FZD6: variants seen among roughly 807,000 people sequenced by gnomAD.
FZD6 encodes frizzled-6.
Under a neutral mutation model 61.4 loss-of-function variants are expected in FZD6, and 49 were observed. That is an observed-to-expected ratio of 0.80 (90% CI 0.63 to 1.01). FZD6 has a LOEUF of 1.01. Among genes scored for constraint, FZD6 ranks in the 50% least tolerant of loss-of-function variants. The pLI, the probability that FZD6 is intolerant of heterozygous loss-of-function variation, is 0.00. For missense variants in FZD6, 724 were observed against 848.2 expected, an observed-to-expected ratio of 0.85 and a Z score of 1.82; for synonymous variants, 265 against 292.2, an observed-to-expected ratio of 0.91 and a Z score of 0.95.
chr8:103,320,528 C>T (rs753769756), intron 3 of FZD6, among the ~76,000 whole-genome samples: 1 of 150,680 alleles, frequency 6.6e-6, no homozygotes, highest in African/African-American at 2.4e-5. Context: ...AGATGGGGAG[C>T]GAAATGAAGA....
chr8:103,312,449 T>C lies in FZD6; in HGVS notation c.178-6141T>C, dbSNP rs77663803. ...AGACTGATGCGACCAGGTTTGATAT[T>C]TGCTCAATTCATAGATTTGCACTTT... On this transcript the variant is annotated intron_variant, in intron 2 of 6. Coordinates refer to ENST00000358755, the MANE Select transcript of FZD6 (RefSeq NM_003506.4). 2.2e-3 allele frequency among the ~76,000 whole-genome samples: 339 copies of C among 152,336 alleles called. 7 individuals carry two copies. In the East Asian group the frequency reaches 0.057, roughly 26 times the overall value.
At position 103,300,063 on chromosome 8, in the gene FZD6, A is replaced by C. The variant is rs1274072309; in HGVS notation, c.-45A>C. 2.7e-6 allele frequency: 3 copies of C among 1,103,702 alleles called. No individual in the cohort carries two copies. In the African/African-American group the frequency reaches 4.6e-5, roughly 17 times the overall value. 68.4% of individuals were successfully genotyped at this position (1,103,702 alleles called of 1,614,324 possible). On this transcript the variant is annotated 5_prime_UTR_variant, in exon 2 of 7. Transcript: ENST00000358755. ...ATGGGGATCTTCTGAGGATGCAAAG[A>C]GTGATTCATCCAAGCCATGTGGTAA...
Position 103,325,454 on chromosome 8 carries a change from G to T in FZD6, c.1348G>T (p.Val450Phe), listed in dbSNP as rs527378976. ...VNRITWEITW[V>F]SDHCRQYHIP... Reference sequence around the variant, plus strand: ...CAGGATTACCTGGGAGATAACTTGGGTCTCTGATCATTGTCGTCAGTACCA... The same window carrying T: ...CAGGATTACCTGGGAGATAACTTGGTTCTCTGATCATTGTCGTCAGTACCA... The change falls in exon 4 of 7, where the codon GTC becomes TTC. Residue 450 changes from valine to phenylalanine, a missense_variant. By Grantham distance (50) the Val-to-Phe change is conservative. Transcript: ENST00000358755. 6.2e-7 allele frequency: 1 copy of T among 1,613,658 alleles called. No homozygotes were observed. Among genetic ancestry groups the T allele is most frequent in the East Asian group, 2.2e-5 (1 of 44,882 alleles).
chr8:103,328,382 T>C lies in FZD6; in HGVS notation c.1507T>C (p.Trp503Arg). The C allele has an allele frequency of 1.2e-6, 2 of 1,613,074 alleles. No individual in the cohort carries two copies. The highest frequency in any genetic ancestry group is 1.7e-6 in the Non-Finnish European group (2 of 1,179,146). ...TGGAAGCAAAAAGACATGCACAGAA[T>C]GGGCTGGGTTTTTTAAACGAAATCG... ...WVGSKKTCTE[W>R]AGFFKRNRKR... The change falls in exon 5 of 7, where the codon TGG becomes CGG. Residue 503 changes from tryptophan (W) to arginine (R), a missense_variant. Trp to Arg is a moderately radical substitution (Grantham distance 101, BLOSUM62 -3). Coordinates refer to ENST00000358755, the MANE Select transcript of FZD6 (RefSeq NM_003506.4).
At chr8:103,330,872 A>T (rs1019172234) in intron 6 of FZD6, among the ~76,000 whole-genome samples, 1 of 152,188 alleles carries the variant, frequency 6.6e-6, no homozygotes, top group East Asian at 1.9e-4. Context: ...AAGTAAGTGA[A>T]AATTATATTT....
intron 2 of FZD6, among the ~76,000 whole-genome samples, chr8:103,301,166 G>A (rs1472459787): frequency 1.3e-5 from 2 of 152,132 alleles, no homozygotes; most frequent in African/African-American, 4.8e-5. Context: ...TGATTTTGCA[G>A]CTTTGAAAGT....
chr8:103,327,294 A>G (rs1350751339), intron 4 of FZD6, among the ~76,000 whole-genome samples: 4 of 152,240 alleles, frequency 2.6e-5, no homozygotes, highest in Admixed American at 1.3e-4. Flanking sequence ...AACAGCCTTT[A>G]CAAAGAATAA....
rs748578409 is a variant in FZD6 at position 103,329,771 on chromosome 8, T to C, written c.1658T>C (p.Val553Ala). Reference sequence around the variant, plus strand: ...AAACCAAGTTCACACAAGCTGAAGGTCATTTCCAAATCCATGGGAACCAGC... The same window carrying C: ...AAACCAAGTTCACACAAGCTGAAGGCCATTTCCAAATCCATGGGAACCAGC... Reference protein sequence around the residue: ...HYKPSSHKLKVISKSMGTSTG... With the variant: ...HYKPSSHKLKAISKSMGTSTG... The change falls in exon 6 of 7, where the codon GTC (valine) becomes GCC (alanine). Residue 553 changes from valine to alanine, a missense_variant. By Grantham distance (64) the Val-to-Ala change is moderately conservative (BLOSUM62 0). Transcript: ENST00000358755. 1 of 1,614,048 alleles carries C rather than the reference T, an allele frequency of 6.2e-7. No homozygotes were observed. Among genetic ancestry groups the C allele is most frequent in the Non-Finnish European group, 8.5e-7 (1 of 1,179,922 alleles).
At chr8:103,318,172 GA>G (rs1814684994) in intron 2 of FZD6, among the ~76,000 whole-genome samples, 2 of 152,192 alleles carry the variant, frequency 1.3e-5, no homozygotes, top group Non-Finnish European at 2.9e-5. Flanking sequence ...TTGGGAAATG[GA>G]AGAGGACTAG....
Position 103,300,098 on chromosome 8 carries a change from T to A in FZD6, c.-10T>A. 1 of 1,542,268 alleles carries A rather than the reference T, an allele frequency of 6.5e-7. No homozygotes were observed. The highest frequency in any genetic ancestry group is 1.1e-5 in the South Asian group (1 of 89,624). Reference sequence around the variant, plus strand: ...CCAAGCCATGTGGTAAAATCAGGAATTTGAAGAAAATGGAAATGTTTACAT... The same window carrying A: ...CCAAGCCATGTGGTAAAATCAGGAAATTGAAGAAAATGGAAATGTTTACAT... On this transcript the variant is annotated 5_prime_UTR_variant, in exon 2 of 7. Coordinates refer to ENST00000358755, the MANE Select transcript of FZD6 (RefSeq NM_003506.4).
intron 1 of FZD6, among the ~76,000 whole-genome samples, chr8:103,299,487 C>T (rs1814086725): frequency 6.6e-6 from 1 of 152,148 alleles, no homozygotes; most frequent in South Asian, 2.1e-4. Context: ...TTACGAAAAT[C>T]GAGAAAACTA....
At position 103,331,525 on chromosome 8, in the gene FZD6, G is replaced by A. The variant is rs202151037; in HGVS notation, c.*16G>A. 2.0e-4 allele frequency: 315 copies of A among 1,581,628 alleles called. No homozygotes were observed. Among genetic ancestry groups the A allele is most frequent in the Non-Finnish European group, 2.6e-4 (304 of 1,150,936 alleles). On this transcript the variant is annotated 3_prime_UTR_variant, in exon 7 of 7. Transcript: ENST00000358755. ...AGATACTTGAAGAACATTTTCTCTCGTTACTCAGAAGCAAATTTGTGTTAC... is the reference window on the plus strand; with the variant it reads ...AGATACTTGAAGAACATTTTCTCTCATTACTCAGAAGCAAATTTGTGTTAC...
In FZD6 at chr8:103,325,027, GTTC is replaced by G; in HGVS notation, c.924_926del (p.Phe308del). 1 of 1,614,112 alleles carries G rather than the reference GTTC, an allele frequency of 6.2e-7. No homozygotes were observed. Among genetic ancestry groups the G allele is most frequent in the Non-Finnish European group, 8.5e-7 (1 of 1,180,012 alleles). ...GGTGGGTGATTCTTACCATTACTTG[GTTC>G]TTAGCTGCAGGAAGAAAATGGAGTT... is the stretch of plus-strand genomic sequence containing the variant. On this transcript the variant is annotated inframe_deletion, in exon 4 of 7. Transcript: ENST00000358755.
chr8:103,314,331 C>G (rs827544), intron 2 of FZD6, among the ~76,000 whole-genome samples: 141,936 of 152,220 alleles, frequency 0.93, 66,231 homozygotes, highest in East Asian at 1. Flanking sequence ...CTGATTACCA[C>G]ATAGTCAAAA....
At chr8:103,326,308 G>C (rs1177370586) in intron 4 of FZD6, among the ~76,000 whole-genome samples, 1 of 152,022 alleles carries the variant, frequency 6.6e-6, no homozygotes, top group African/African-American at 2.4e-5. Flanking sequence ...TATTTTTTAT[G>C]TTGGTATGTG....
intron 2 of FZD6, among the ~76,000 whole-genome samples, chr8:103,313,818 G>T (rs1814562538): frequency 6.6e-6 from 1 of 150,406 alleles, no homozygotes; most frequent in Non-Finnish European, 1.5e-5. Context: ...GAAGGGGGGG[G>T]CCCTGTTTCA....
intron 2 of FZD6, among the ~76,000 whole-genome samples, chr8:103,306,929 A>G (rs890868339): frequency 2.6e-5 from 4 of 152,154 alleles, no homozygotes; most frequent in African/African-American, 9.7e-5. Context: ...TTCTCACTGC[A>G]TGGGAGTTAC....
chr8:103,328,922 C>T (rs1056008211), intron 5 of FZD6, among the ~76,000 whole-genome samples: 3 of 149,314 alleles, frequency 2.0e-5, no homozygotes, highest in Non-Finnish European at 4.5e-5. Flanking sequence ...TAAACTTTCA[C>T]TTATTTGTCT....
chr8:103,332,864 G>T lies in FZD6; in HGVS notation c.*1355G>T, dbSNP rs1463506628. The T allele has an allele frequency of 6.6e-6, 1 of 152,374 alleles. No homozygotes were observed. Among genetic ancestry groups the T allele is most frequent in the African/African-American group, 2.4e-5 (1 of 41,426 alleles). The allele number at this position is 152,374 out of a possible 1,614,324, so 9.4% of individuals were successfully genotyped here. On this transcript the variant is annotated 3_prime_UTR_variant, in exon 7 of 7. Transcript: ENST00000358755. ...CATTAATAAAATTATCTTTGTATAA[G>T]AATTATGGAGTATTCTGTGGTTAGG...
Sources: allele counts gnomAD v4.1 joint callset (sites outside exome capture counted in the v4.1 genomes callset), GRCh38; gene constraint gnomAD v4.1.1; transcripts MANE v1.5; gene names NCBI Gene and HGNC (gene_info 2026-07-23, HGNC 2026-07-21).